The following SEMA6D variants were observed in gnomAD, a reference collection of about 807,000 sequenced individuals.
SEMA6D encodes the protein semaphorin 6D.
Under a neutral mutation model 106.6 loss-of-function variants are expected in SEMA6D, and 35 were observed. That is an observed-to-expected ratio of 0.33 (90% CI 0.25 to 0.44). The LOEUF (loss-of-function observed/expected upper bound fraction) is 0.44. Ranked by LOEUF, SEMA6D falls within the 20% of genes least tolerant of loss-of-function variation. The probability of loss-of-function intolerance (pLI) is 1.00; values close to 1 mark genes in which losing one functional copy is unlikely to be tolerated. For synonymous variants in SEMA6D, 499 were observed against 487.7 expected, an observed-to-expected ratio of 1.02 and a Z score of -0.31; for missense variants, 1,185 against 1,345.9, an observed-to-expected ratio of 0.88 and a Z score of 1.87.
intron 2 of SEMA6D, among the ~76,000 whole-genome samples, chr15:47,437,186 T>G (rs991457991): frequency 6.6e-6 from 1 of 152,100 alleles, no homozygotes; most frequent in African/African-American, 2.4e-5. Flanking sequence ...AAATATCTCC[T>G]TAGCCAATTG....
At chr15:47,507,357 G>A (rs1292144079) in intron 3 of SEMA6D, among the ~76,000 whole-genome samples, 6 of 18,564 alleles carry the variant, frequency 3.2e-4, no homozygotes, top group African/African-American at 9.7e-4. Context: ...CCACCCCCCC[G>A]GGCCTTATAT....
At chr15:47,258,464 A>G (rs572987591) in intron 1 of SEMA6D, among the ~76,000 whole-genome samples, 65 of 152,290 alleles carry the variant, frequency 4.3e-4, no homozygotes, top group Admixed American at 9.2e-4. Flanking sequence ...GCATCATCCA[A>G]TCTGCTCAGG....
intron 3 of SEMA6D, among the ~76,000 whole-genome samples, chr15:47,528,381 G>A (rs2044834728): frequency 6.6e-6 from 1 of 152,140 alleles, no homozygotes; most frequent in South Asian, 2.1e-4. Flanking sequence ...GTAACCAAGA[G>A]TACAGTCCTC....
chr15:47,535,274 A>G (rs1416271618), intron 3 of SEMA6D, among the ~76,000 whole-genome samples: 2 of 152,142 alleles, frequency 1.3e-5, no homozygotes, highest in African/African-American at 4.8e-5. Flanking sequence ...TACTTGTTAA[A>G]TTCCAAACCC....
chr15:47,270,213 G>C (rs990237005), intron 1 of SEMA6D, among the ~76,000 whole-genome samples: 5 of 148,498 alleles, frequency 3.4e-5, no homozygotes, highest in African/African-American at 1.2e-4. Context: ...GTATGTATAT[G>C]TATATATGTA....
chr15:47,554,572 A>G (rs1048459813), intron 3 of SEMA6D, among the ~76,000 whole-genome samples: 11 of 152,190 alleles, frequency 7.2e-5, no homozygotes, highest in African/African-American at 2.7e-4. Flanking sequence ...TCCTTTCCCA[A>G]GAGAGCACCT....
intron 3 of SEMA6D, among the ~76,000 whole-genome samples, chr15:47,488,692 A>G (rs1201591076): frequency 6.6e-6 from 1 of 152,142 alleles, no homozygotes; most frequent in Non-Finnish European, 1.5e-5. Context: ...GAGGAAGAGC[A>G]TCTGTGGCAG....
intron 1 of SEMA6D, among the ~76,000 whole-genome samples, chr15:47,344,419 G>A (rs1480647895): frequency 1.3e-5 from 2 of 152,154 alleles, no homozygotes; most frequent in Admixed American, 6.5e-5. Flanking sequence ...AAGTAGTGAA[G>A]GACAGTGATT....
intron 3 of SEMA6D, among the ~76,000 whole-genome samples, chr15:47,550,052 T>C (rs2045636861): frequency 6.6e-6 from 1 of 152,214 alleles, no homozygotes; most frequent in African/African-American, 2.4e-5. Flanking sequence ...TATTGGCCTT[T>C]TGAGACACTG....
chr15:47,213,805 C>T (rs1010883599), intron 1 of SEMA6D, among the ~76,000 whole-genome samples: 2 of 152,196 alleles, frequency 1.3e-5, no homozygotes, highest in Non-Finnish European at 2.9e-5. Flanking sequence ...CATTGAGGTG[C>T]TGTGATCATT....
rs536964868 is a variant in SEMA6D, at chr15:47,350,572, G to A, written c.-238-61821G>A. 5.1e-4 allele frequency among the ~76,000 whole-genome samples: 77 copies of A among 152,242 alleles called. 1 individual carries two copies. The highest frequency in any genetic ancestry group is 7.7e-4 in the East Asian group (4 of 5,180). ...ATACCTGGGCTTTCCACTTAAACAC[G>A]ATTTTGATGTTTGTTTTCGTGCGGA... On this transcript the variant is annotated intron_variant, in intron 1 of 19. Coordinates refer to the SEMA6D transcript ENST00000558014.
chr15:47,185,773 GTAGA>G (rs1463198941), intron 1 of SEMA6D: 1 of 152,064 alleles, frequency 6.6e-6, no homozygotes, highest in Non-Finnish European at 1.5e-5. Flanking sequence ...TCGTTGGATG[GTAGA>G]TACTCTTATT....
chr15:47,394,898 G>A (rs1295762346), intron 1 of SEMA6D, among the ~76,000 whole-genome samples: 1 of 151,832 alleles, frequency 6.6e-6, no homozygotes, highest in African/African-American at 2.4e-5. Context: ...AACCTATGAT[G>A]CCTTTTTTTT....
chr15:47,259,974 A>G (rs1009362682), intron 1 of SEMA6D, among the ~76,000 whole-genome samples: 1 of 146,720 alleles, frequency 6.8e-6, no homozygotes. Flanking sequence ...TGTCATCTCT[A>G]TTGTATTGAG....
rs2034429172 is a variant in SEMA6D at position 47,268,661 on chromosome 15, C to G, written c.-239+84243C>G. 2.0e-5 allele frequency among the ~76,000 whole-genome samples: 3 copies of G among 152,154 alleles called. No homozygotes were observed. In the South Asian group the frequency reaches 6.2e-4, roughly 32 times the overall value. Reference sequence around the variant, plus strand: ...GGAATGCTACTAGCTTTCTCTCTTACATATTGTTCCTTTCCTTATCCCATG... The same window carrying G: ...GGAATGCTACTAGCTTTCTCTCTTAGATATTGTTCCTTTCCTTATCCCATG... On this transcript the variant is annotated intron_variant, in intron 1 of 19. Transcript: ENST00000558014.
At chr15:47,626,687 C>T (rs1359281318) in intron 4 of SEMA6D, among the ~76,000 whole-genome samples, 1 of 152,118 alleles carries the variant, frequency 6.6e-6, no homozygotes, top group Non-Finnish European at 1.5e-5. Context: ...CTACACAACA[C>T]CTTTGTTTCT....
intron 1 of SEMA6D, chr15:47,359,455 C>T (rs1017633105): frequency 1.3e-5 from 2 of 152,108 alleles, no homozygotes; most frequent in African/African-American, 4.8e-5. Flanking sequence ...TTGCCTGGGA[C>T]ATAGAAAGTG....
At chr15:47,312,318 G>T (rs2036483469) in intron 1 of SEMA6D, among the ~76,000 whole-genome samples, 1 of 151,998 alleles carries the variant, frequency 6.6e-6, no homozygotes, top group African/African-American at 2.4e-5. Context: ...GCCCTTCCTA[G>T]TTGCTCTGTG....
At chr15:47,458,541 AT>A (rs2141006794) in intron 2 of SEMA6D, among the ~76,000 whole-genome samples, 1 of 150,650 alleles carries the variant, frequency 6.6e-6, no homozygotes, top group Admixed American at 6.6e-5. Context: ...TAAATTAGGA[AT>A]TAATAGTAGA....
Sources: gnomAD v4.1 joint callset for allele counts (sites outside exome capture counted in the v4.1 genomes callset) on GRCh38, gnomAD v4.1.1 for gene constraint, MANE v1.5 for transcripts, NCBI Gene and HGNC (gene_info 2026-07-23, HGNC 2026-07-21) for gene names.